SEMA3D: variants seen among roughly 807,000 people sequenced by gnomAD.
SEMA3D encodes the protein semaphorin 3D.
A neutral mutation model predicts 100.1 loss-of-function variants in SEMA3D; 84 were observed. That is an observed-to-expected ratio of 0.84 (90% CI 0.70 to 1.01). SEMA3D has a LOEUF of 1.01. SEMA3D is among the 50% of genes least tolerant of loss of function. SEMA3D has a pLI of 0.00. For synonymous variants in SEMA3D, 312 were observed against 320.7 expected, an observed-to-expected ratio of 0.97 and a Z score of 0.29; for missense variants, 875 against 934.1, an observed-to-expected ratio of 0.94 and a Z score of 0.82.
chr7:85,126,795 A>G (rs950765284), intron 2 of SEMA3D, among the ~76,000 whole-genome samples: 4 of 152,142 alleles, frequency 2.6e-5, no homozygotes, highest in African/African-American at 9.7e-5. Flanking sequence ...AACACAGAGA[A>G]GCTTTATGTT....
chr7:85,230,956 G>C, the SEMA3D span, among the ~76,000 whole-genome samples: 2 of 152,144 alleles, frequency 1.3e-5, no homozygotes, highest in Non-Finnish European at 2.9e-5. Flanking sequence ...CTAATAGTGG[G>C]CTTTACTCCC....
At chr7:85,185,010 T>C (rs887856113) in intron 1 of SEMA3D, among the ~76,000 whole-genome samples, 2 of 151,934 alleles carry the variant, frequency 1.3e-5, no homozygotes, top group Non-Finnish European at 2.9e-5. Context: ...ATCATTGGAG[T>C]GATGACATGT....
chr7:85,168,617 ATTTT>A (rs3076565), intron 1 of SEMA3D, among the ~76,000 whole-genome samples: 6,997 of 135,328 alleles, frequency 0.052, 263 homozygotes, highest in East Asian at 0.15. Flanking sequence ...GGTTTCTGCA[ATTTT>A]TTTTTTTTTT....
intron 3 of SEMA3D, among the ~76,000 whole-genome samples, chr7:85,098,764 A>T (rs1467044975): frequency 2.0e-5 from 3 of 151,958 alleles, no homozygotes; most frequent in African/African-American, 7.2e-5. Context: ...GATGACAAGT[A>T]TCAACCATTG....
intron 1 of SEMA3D, among the ~76,000 whole-genome samples, chr7:85,186,183 C>T (rs780272299): frequency 6.6e-6 from 1 of 152,180 alleles, no homozygotes; most frequent in Non-Finnish European, 1.5e-5. Context: ...AAGGAGCGAG[C>T]GAGGGCGCAG....
intron 1 of SEMA3D, among the ~76,000 whole-genome samples, chr7:85,170,639 T>C (rs558837199): frequency 1.9e-4 from 29 of 152,014 alleles, no homozygotes; most frequent in Non-Finnish European, 2.8e-4. Context: ...ATTCTTCTTT[T>C]ATATTCTCAT....
At chr7:85,129,585 T>A (rs1250361600) in intron 2 of SEMA3D, among the ~76,000 whole-genome samples, 1 of 152,140 alleles carries the variant, frequency 6.6e-6, no homozygotes, top group Non-Finnish European at 1.5e-5. Flanking sequence ...CAACCACTTA[T>A]GTATAGGAAA....
intron 1 of SEMA3D, among the ~76,000 whole-genome samples, chr7:85,182,341 C>T (rs1791432560): frequency 1.3e-5 from 2 of 152,222 alleles, no homozygotes; most frequent in Middle Eastern, 3.4e-3. Context: ...AGAAATAACA[C>T]TTTTTGCTAA....
intron 1 of SEMA3D, chr7:85,162,982 C>T (rs1001331756): frequency 2.1e-5 from 18 of 873,308 alleles, no homozygotes; most frequent in South Asian, 1.1e-4. Context: ...GTTTAGAGGC[C>T]GAGGACATCC....
At chr7:85,142,795 C>T (rs1790094414) in intron 2 of SEMA3D, 6 of 984,446 alleles carry the variant, frequency 6.1e-6, no homozygotes, top group Non-Finnish European at 6.0e-6. Context: ...AATGGAATAA[C>T]CTTTTCTCTC....
At chr7:85,213,116 T>C in the SEMA3D span, among the ~76,000 whole-genome samples, 2 of 152,042 alleles carry the variant, frequency 1.3e-5, no homozygotes, top group East Asian at 1.9e-4. Context: ...CAATGTATAG[T>C]GCTGATTTTC....
intron 12 of SEMA3D, among the ~76,000 whole-genome samples, chr7:85,024,746 G>T (rs914974354): frequency 3.3e-5 from 5 of 151,892 alleles, no homozygotes; most frequent in Admixed American, 6.6e-5. Context: ...CACTATGCTT[G>T]CACAAATGAA....
chr7:85,073,047 G>T lies in SEMA3D; in HGVS notation c.410C>A (p.Pro137His). 1 of 1,612,260 alleles carries T rather than the reference G, an allele frequency of 6.2e-7. No homozygotes were observed. Among genetic ancestry groups the T allele is most frequent in the Non-Finnish European group, 8.5e-7 (1 of 1,178,804 alleles). Reference sequence around the variant, plus strand: ...CACATATATGTGAGTTTTGTTATAGGGCTGAAGTACTCTGATGAAATTTGC... The same window carrying T: ...CACATATATGTGAGTTTTGTTATAGTGCTGAAGTACTCTGATGAAATTTGC... ...ECANFIRVLQ[P>H]YNKTHIYVCG... is the part of the protein sequence containing the mutation. The change falls in exon 6 of 19, where the codon CCC (proline) becomes CAC (histidine). Residue 137 changes from proline to histidine, a missense_variant. Physicochemically the swap from Pro to His is moderately conservative, Grantham distance 77 (BLOSUM62 -2). Transcript: ENST00000284136.
intron 3 of SEMA3D, among the ~76,000 whole-genome samples, chr7:85,100,773 T>C (rs1280970464): frequency 6.6e-6 from 1 of 151,930 alleles, no homozygotes; most frequent in African/African-American, 2.4e-5. Flanking sequence ...TTTATAACGG[T>C]TAAATGTTAT....
intron 4 of SEMA3D, among the ~76,000 whole-genome samples, chr7:85,087,120 C>A (rs546743866): frequency 1.4e-3 from 208 of 152,282 alleles, no homozygotes; most frequent in Non-Finnish European, 2.4e-3. Flanking sequence ...AAACAGCACA[C>A]AACAAAGCAC....
At chr7:85,193,054 A>G in the SEMA3D span, among the ~76,000 whole-genome samples, 1 of 152,174 alleles carries the variant, frequency 6.6e-6, no homozygotes, top group Non-Finnish European at 1.5e-5. Context: ...AGCGGCCAGC[A>G]CTTCATCCCA....
the SEMA3D span, among the ~76,000 whole-genome samples, chr7:85,226,114 T>C: frequency 6.6e-6 from 1 of 152,276 alleles, no homozygotes; most frequent in East Asian, 1.9e-4. Flanking sequence ...CATTTTCTTA[T>C]AGTATTAAGG....
chr7:85,070,619 C>A lies in SEMA3D; in HGVS notation c.496-2335G>T, dbSNP rs529341133. ...TTCAAGCAGGGCTGCCATACAATTA[C>A]CTGTACGCCAGACCAGCTAAAAACT... On this transcript the variant is annotated intron_variant, in intron 6 of 18. Coordinates refer to ENST00000284136, the MANE Select transcript of SEMA3D (RefSeq NM_001384900.1). Among the ~76,000 whole-genome samples, 8 of 152,286 alleles carry A rather than the reference C, an allele frequency of 5.3e-5. No homozygotes were observed. The South Asian group carries it at 1.4e-3, about 28-fold the overall frequency.
At chr7:85,181,791 C>T (rs1791416890) in intron 1 of SEMA3D, 1 of 980,024 alleles carries the variant, frequency 1.0e-6, no homozygotes, top group Admixed American at 6.2e-5. Context: ...GATTAGCATG[C>T]TAGTTAAAGA....
Sources: gnomAD v4.1 joint callset for allele counts (sites outside exome capture counted in the v4.1 genomes callset) on GRCh38, gnomAD v4.1.1 for gene constraint, MANE v1.5 for transcripts, NCBI Gene and HGNC (gene_info 2026-07-23, HGNC 2026-07-21) for gene names.